The following CAND2 variants were observed in gnomAD, a reference collection of about 807,000 sequenced individuals.
CAND2 encodes the protein cullin associated and neddylation dissociated 2 (putative), also known as cullin-associated NEDD8-dissociated protein 2.
CAND2 carries 62 observed loss-of-function variants against 98.9 expected under a neutral mutation model. That is an observed-to-expected ratio of 0.63 (90% CI 0.51 to 0.77). The LOEUF (loss-of-function observed/expected upper bound fraction) is 0.77. Among genes scored for constraint, CAND2 ranks in the 30% least tolerant of loss-of-function variants. The probability of loss-of-function intolerance (pLI) is 0.00; values close to 1 mark genes in which losing one functional copy is unlikely to be tolerated. For synonymous variants in CAND2, 770 were observed against 731.9 expected, an observed-to-expected ratio of 1.05 and a Z score of -0.84; for missense variants, 1,501 against 1,655.2, an observed-to-expected ratio of 0.91 and a Z score of 1.62.
chr3:12,809,438 A>C (rs1467492273), intron 4 of CAND2, among the ~76,000 whole-genome samples: 23 of 152,138 alleles, frequency 1.5e-4, no homozygotes, highest in Non-Finnish European at 1.5e-5. Flanking sequence ...ACATAGAAAT[A>C]AGGGAGGGTA....
Position 12,831,661 on chromosome 3 carries a change from T to A in CAND2, c.3483+89T>A, listed in dbSNP as rs546618441. ...TCAGTTACCCTTACTGAGCACTTCC[T>A]GCAGTGCAGGTGATGTTGTGAAAGT... On this transcript the variant is annotated intron_variant, in intron 14 of 14. Transcript: ENST00000456430. The A allele has an allele frequency of 8.2e-5, 61 of 747,520 alleles. No individual in the cohort carries two copies. In the South Asian group the frequency reaches 1.1e-3, roughly 13 times the overall value. 46.3% of individuals were successfully genotyped at this position (747,520 alleles called of 1,614,324 possible). A position where few individuals can be genotyped will look rare whatever the true frequency, so the allele number is the denominator to read the frequency against.
intron 12 of CAND2, 94 bp downstream of exon 12, chr3:12,825,733 G>A: frequency 1.5e-6 from 2 of 1,351,130 alleles, no homozygotes; most frequent in African/African-American, 2.9e-5. Flanking sequence ...CAGAGCAGGT[G>A]CCGGGGCCAC....
rs779480911 is a variant in CAND2 at position 12,813,408 on chromosome 3, TTGGGGTTGGAGGG to T, written c.1006+24_1006+36del. 17 of 1,608,626 alleles carry T rather than the reference TTGGGGTTGGAGGG, an allele frequency of 1.1e-5. No homozygotes were observed. The highest frequency in any genetic ancestry group is 1.4e-5 in the Non-Finnish European group (16 of 1,177,272). ...AGCAAGGTTGGTGGACAGCCCATCA[TTGGGGTTGGAGGG>T]TGGAGGTGAACACAGCCTTCCTGGG... On this transcript the variant is annotated intron_variant, in intron 7 of 14. Transcript: ENST00000456430.
At chr3:12,827,115 A>G (rs60016348) in intron 12 of CAND2, among the ~76,000 whole-genome samples, 4,032 of 152,240 alleles carry the variant, frequency 0.026, 171 homozygotes, top group African/African-American at 0.089. Flanking sequence ...ATAGGCGTGA[A>G]CCACTGTGCC....
At chr3:12,807,532 C>A (rs116352565) in intron 3 of CAND2, 72 bp downstream of exon 3, 235 of 1,163,086 alleles carry the variant, frequency 2.0e-4, no homozygotes, top group Middle Eastern at 1.3e-3. Context: ...AACGAAAAAA[C>A]AAAAAAAAAA....
intron 7 of CAND2, among the ~76,000 whole-genome samples, chr3:12,814,200 A>G (rs994128744): frequency 6.6e-6 from 1 of 152,202 alleles, no homozygotes; most frequent in Non-Finnish European, 1.5e-5. Flanking sequence ...GTGGCTGTCC[A>G]GACACCACCC....
At chr3:12,820,242 G>A in intron 11 of CAND2, 61 bp downstream of exon 11, 1 of 1,320,138 alleles carries the variant, frequency 7.6e-7, no homozygotes, top group Non-Finnish European at 1.1e-6. Context: ...CCTTGAGCTT[G>A]GGCTGATGTT....
At chr3:12,831,135 C>T (rs1359895604) in intron 13 of CAND2, among the ~76,000 whole-genome samples, 2 of 152,098 alleles carry the variant, frequency 1.3e-5, no homozygotes, top group African/African-American at 4.8e-5. Flanking sequence ...CATGTTTGCA[C>T]TCCCACCTGG....
chr3:12,813,560 C>G (rs566056297), intron 7 of CAND2, among the ~76,000 whole-genome samples, 172 bp downstream of exon 7: 2 of 152,186 alleles, frequency 1.3e-5, no homozygotes, highest in African/African-American at 4.8e-5. Context: ...TGATAGTAGT[C>G]ATTGCTGTCA....
chr3:12,814,424 C>T lies in CAND2; in HGVS notation c.1007-717C>T, dbSNP rs183802509. Among the ~76,000 whole-genome samples the T allele has an allele frequency of 5.4e-4, 82 of 152,244 alleles. 1 individual carries two copies. The highest frequency in any genetic ancestry group is 1.9e-3 in the African/African-American group (78 of 41,552). On this transcript the variant is annotated intron_variant, in intron 7 of 14. Coordinates refer to ENST00000456430, the MANE Select transcript of CAND2 (RefSeq NM_001162499.2). ...CACCCGCTCTGAGTCTTAGTCTTATCGTCTGTAAAATGGAGCTTGGCAGTA... is the reference window on the plus strand; with the variant it reads ...CACCCGCTCTGAGTCTTAGTCTTATTGTCTGTAAAATGGAGCTTGGCAGTA...
In CAND2 at chr3:12,812,390, A is replaced by ATTT. The variant is rs35620069; in HGVS notation, c.758-577_758-575dup. 2.0e-3 allele frequency among the ~76,000 whole-genome samples: 135 copies of ATTT among 66,722 alleles called. 3 individuals are homozygous for ATTT. The highest frequency in any genetic ancestry group is 2.5e-3 in the Non-Finnish European group (91 of 36,384). 43.8% of individuals were successfully genotyped at this position (66,722 alleles called of 152,430 possible). ...AGGTGTGTGCCACCGTGCCCGGCTA[A>ATTT]TTTTTTTTTTTTTTTTTTTTTTTTT... is the stretch of plus-strand genomic sequence containing the variant. On this transcript the variant is annotated intron_variant, in intron 5 of 14. Transcript: ENST00000456430.
chr3:12,807,245 G>A, intron 2 of CAND2, 61 bp from the exon 3 acceptor site: 1 of 1,493,958 alleles, frequency 6.7e-7, no homozygotes, highest in East Asian at 2.5e-5. Context: ...GGACATAAAG[G>A]GGCAGCCTGA....
intron 12 of CAND2, 147 bp downstream of exon 12, chr3:12,825,786 C>G (rs77705168): frequency 3.7e-6 from 3 of 807,692 alleles, no homozygotes; most frequent in Non-Finnish European, 5.8e-6. Context: ...GCTGTGGGAC[C>G]CCAGCCAGGG....
At chr3:12,826,819 A>G (rs1385164652) in intron 12 of CAND2, among the ~76,000 whole-genome samples, 1 of 149,574 alleles carries the variant, frequency 6.7e-6, no homozygotes, top group Non-Finnish European at 1.5e-5. Context: ...AAATGGGATC[A>G]GTAACATTTA....
chr3:12,811,035 G>A (rs917647084), intron 5 of CAND2, among the ~76,000 whole-genome samples: 4 of 152,072 alleles, frequency 2.6e-5, no homozygotes, highest in African/African-American at 9.7e-5. Context: ...ACTATACCAA[G>A]ACAGTTTGGA....
intron 11 of CAND2, 96 bp from the exon 12 acceptor site, chr3:12,825,374 C>A: frequency 8.0e-7 from 1 of 1,250,008 alleles, no homozygotes; most frequent in Non-Finnish European, 1.1e-6. Flanking sequence ...TCAGCCAGTT[C>A]TGCACGTGCA....
intron 13 of CAND2, among the ~76,000 whole-genome samples, chr3:12,831,200 C>A (rs2062051249): frequency 1.3e-5 from 2 of 152,232 alleles, no homozygotes; most frequent in Admixed American, 1.3e-4. Context: ...CCAGCATCTG[C>A]CTGACTGGTG....
chr3:12,832,484 CCT>C (rs1284728294), intron 14 of CAND2: 1 of 152,138 alleles, frequency 6.6e-6, no homozygotes, highest in African/African-American at 2.4e-5. Flanking sequence ...GAAGCTCTGC[CCT>C]GAGTTTCCAC....
rs752781165 is a variant in CAND2, at chr3:12,807,199, C to G, written c.213-107C>G. On this transcript the variant is annotated intron_variant, in intron 2 of 14. Transcript: ENST00000456430. ...AGGGGCTCCCCTGATGATCTGAGGC[C>G]TTTTCCTCAGCACGTGTGGCCGCAG... is the stretch of plus-strand genomic sequence containing the variant. 636 of 1,061,476 alleles carry G rather than the reference C, an allele frequency of 6.0e-4. 2 individuals are homozygous for G. The highest frequency in any genetic ancestry group is 8.0e-4 in the Non-Finnish European group (593 of 741,168). The allele number at this position is 1,061,476 out of a possible 1,614,324, so 65.8% of individuals were successfully genotyped here. A position where few individuals can be genotyped will look rare whatever the true frequency, so the allele number is the denominator to read the frequency against.
Sources: gnomAD v4.1 joint callset for allele counts (sites outside exome capture counted in the v4.1 genomes callset) on GRCh38, gnomAD v4.1.1 for gene constraint, MANE v1.5 for transcripts, NCBI Gene and HGNC (gene_info 2026-07-23, HGNC 2026-07-21) for gene names.